The following PRKCH variants were observed in gnomAD, a reference collection of about 807,000 sequenced individuals.
PRKCH encodes the protein protein kinase C eta type.
A neutral mutation model predicts 82.5 loss-of-function variants in PRKCH; 28 were observed. That is an observed-to-expected ratio of 0.34 (90% CI 0.25 to 0.47). The LOEUF is 0.47. PRKCH is among the 20% of genes least tolerant of loss of function. The probability of loss-of-function intolerance (pLI) is 1.00; values close to 1 mark genes in which losing one functional copy is unlikely to be tolerated. For synonymous variants in PRKCH, 322 were observed against 327.4 expected, an observed-to-expected ratio of 0.98 and a Z score of 0.18; for missense variants, 705 against 881.8, an observed-to-expected ratio of 0.80 and a Z score of 2.54.
At chr14:61,328,513 G>T (rs1333271720) in intron 1 of PRKCH, among the ~76,000 whole-genome samples, 1 of 148,758 alleles carries the variant, frequency 6.7e-6, no homozygotes, top group Non-Finnish European at 1.5e-5. Flanking sequence ...GAATGAGGTT[G>T]GTGGGTGGAA....
chr14:61,209,310 TAAAAAAAAAA>T (rs6145367), intron 1 of PRKCH, among the ~76,000 whole-genome samples: 86 of 92,854 alleles, frequency 9.3e-4, no homozygotes, highest in Admixed American at 1.3e-3. Context: ...TGCCTTTATT[TAAAAAAAAAA>T]AAAAAAAAAA....
Position 61,457,254 on chromosome 14 carries a change from T to C in PRKCH, c.1039T>C (p.Ser347Pro). 6.2e-7 allele frequency: 1 copy of C among 1,614,178 alleles called. No individual in the cohort carries two copies. Among genetic ancestry groups the C allele is most frequent in the Non-Finnish European group, 8.5e-7 (1 of 1,180,038 alleles). The change falls in exon 8 of 14, where the codon TCC becomes CCC. Residue 347 changes from serine (S) to proline (P), a missense_variant. By Grantham distance (74) the Ser-to-Pro change is moderately conservative. Around this residue, in one of 5 missense-constraint regions of PRKCH, gnomAD observed 238 missense variants for 258.1 expected, o/e 0.92. Coordinates refer to ENST00000332981, the MANE Select transcript of PRKCH (RefSeq NM_006255.5). Reference protein sequence around the residue: ...KEGNGIGVNSSNRLGIDNFEF... With the variant: ...KEGNGIGVNSPNRLGIDNFEF... ...AGGAAATGGGATTGGGGTTAATTCT[T>C]CCAACCGACTTGGTATCGACAACTT...
In PRKCH at chr14:61,443,154, G is replaced by A. The variant is rs1594711825; in HGVS notation, c.471G>A (p.Lys157=). Reference sequence around the variant, plus strand: ...GGATCTTCAAACATTTTACCAGGAAGCGCCAAAGGGCTATGCGAAGGCGAG... The same window carrying A: ...GGATCTTCAAACATTTTACCAGGAAACGCCAAAGGGCTATGCGAAGGCGAG... ...RDRIFKHFTR[K]RQRAMRRRVH... is the part of the protein sequence containing the mutation. Residue 157 remains lysine (K), a synonymous_variant, in exon 3 of 14, where the codon AAG becomes AAA. Coordinates refer to ENST00000332981, the MANE Select transcript of PRKCH (RefSeq NM_006255.5). 6.2e-7 allele frequency: 1 copy of A among 1,613,858 alleles called. No homozygotes were observed. The highest frequency in any genetic ancestry group is 1.7e-5 in the Admixed American group (1 of 59,988).
chr14:61,396,893 C>T (rs573446870), intron 2 of PRKCH, among the ~76,000 whole-genome samples: 1 of 152,230 alleles, frequency 6.6e-6, no homozygotes, highest in South Asian at 2.1e-4. Flanking sequence ...TATACAACAG[C>T]GCCACTGTTC....
At chr14:61,227,274 A>T (rs1267157580) in intron 1 of PRKCH, among the ~76,000 whole-genome samples, 1 of 152,204 alleles carries the variant, frequency 6.6e-6, no homozygotes, top group Non-Finnish European at 1.5e-5. Context: ...AACAGGAATG[A>T]CAATAATAAG....
chr14:61,220,944 G>A (rs1261428733), intron 1 of PRKCH, among the ~76,000 whole-genome samples: 1 of 152,162 alleles, frequency 6.6e-6, no homozygotes, highest in Non-Finnish European at 1.5e-5. Flanking sequence ...GAAAGGGGAA[G>A]GGTTGGCAGA....
At chr14:61,394,181 A>T (rs1329453601) in intron 2 of PRKCH, among the ~76,000 whole-genome samples, 1 of 152,176 alleles carries the variant, frequency 6.6e-6, no homozygotes, top group African/African-American at 2.4e-5. Flanking sequence ...TTTTAATGTT[A>T]AAGTTTTTCA....
At chr14:61,258,035 G>A (rs11158335) in intron 1 of PRKCH, among the ~76,000 whole-genome samples, 72,490 of 151,882 alleles carry the variant, frequency 0.48, 20,304 homozygotes, top group Non-Finnish European at 0.61. Context: ...AGAGAGAAAC[G>A]TACTGGCAGA....
chr14:61,194,595 C>G (rs1289400329), intron 1 of PRKCH, among the ~76,000 whole-genome samples: 3 of 152,130 alleles, frequency 2.0e-5, no homozygotes, highest in Non-Finnish European at 2.9e-5. Flanking sequence ...GTTTATAAGC[C>G]ACCCAGTTTA....
intron 1 of PRKCH, among the ~76,000 whole-genome samples, chr14:61,263,675 C>T (rs1163868575): frequency 6.6e-6 from 1 of 151,712 alleles, no homozygotes; most frequent in Non-Finnish European, 1.5e-5. Context: ...GCATAAATGT[C>T]TCCAGGTAGT....
intron 10 of PRKCH, among the ~76,000 whole-genome samples, chr14:61,496,965 G>A (rs1162815896): frequency 6.6e-6 from 1 of 152,066 alleles, no homozygotes; most frequent in Non-Finnish European, 1.5e-5. Context: ...CCAAACCCAT[G>A]ATTTTCTCAT....
chr14:61,371,229 T>C (rs766594868), intron 1 of PRKCH, among the ~76,000 whole-genome samples: 12 of 152,120 alleles, frequency 7.9e-5, no homozygotes, highest in African/African-American at 2.9e-4. Flanking sequence ...AATTCCCATA[T>C]ACCCAACAGT....
chr14:61,343,084 A>G (rs1753287002), intron 1 of PRKCH, among the ~76,000 whole-genome samples: 2 of 152,116 alleles, frequency 1.3e-5, no homozygotes, highest in African/African-American at 4.8e-5. Flanking sequence ...CTTTTATCTG[A>G]CTGCTGACAG....
intron 1 of PRKCH, among the ~76,000 whole-genome samples, chr14:61,343,351 C>CAAAAAAAAAAAAA (rs57154047): frequency 1.1e-5 from 1 of 87,350 alleles, no homozygotes; most frequent in Non-Finnish European, 2.2e-5. Context: ...CCAGTTCCCT[C>CAAAAAAAAAAAAA]AAAAAAAAAA....
intron 2 of PRKCH, among the ~76,000 whole-genome samples, chr14:61,412,419 C>T (rs1882315173): frequency 6.6e-6 from 1 of 152,176 alleles, no homozygotes; most frequent in African/African-American, 2.4e-5. Flanking sequence ...CCTTATGTTA[C>T]TTCAACCGAA....
chr14:61,344,417 G>A (rs1368119083), intron 1 of PRKCH: 1 of 152,178 alleles, frequency 6.6e-6, no homozygotes, highest in Non-Finnish European at 1.5e-5. Flanking sequence ...TGAGTGCCAG[G>A]TATGGCAGCT....
chr14:61,457,362 C>T, intron 8 of PRKCH, 43 bp downstream of exon 8: 6 of 1,609,904 alleles, frequency 3.7e-6, no homozygotes, highest in Non-Finnish European at 5.1e-6. Context: ...TAAGTGTGCT[C>T]TGTGTATGGG....
In PRKCH at chr14:61,245,953, C is replaced by T. The variant is rs560436019; in HGVS notation, c.-19+58285C>T. Among the ~76,000 whole-genome samples the T allele has an allele frequency of 2.6e-5, 4 of 152,188 alleles. No individual in the cohort carries two copies. In the South Asian group the frequency reaches 6.2e-4, roughly 24 times the overall value. On this transcript the variant is annotated intron_variant, in intron 1 of 3. Coordinates refer to the PRKCH transcript ENST00000555185. ...TCAGTCATACCCAAACATTAGTGGT[C>T]GCTGGTCTTTTGAATGATCAGTGAT...
chr14:61,472,109 C>T (rs1225212801), intron 9 of PRKCH, among the ~76,000 whole-genome samples: 4 of 152,086 alleles, frequency 2.6e-5, no homozygotes, highest in East Asian at 1.9e-4. Context: ...AAGCGTGCAG[C>T]GTCTGTTTAA....
Sources: allele counts gnomAD v4.1 joint callset (sites outside exome capture counted in the v4.1 genomes callset), GRCh38; gene constraint gnomAD v4.1.1; regional missense constraint gnomAD v4.1.1; transcripts MANE v1.5; gene names NCBI Gene and HGNC (gene_info 2026-07-23, HGNC 2026-07-21).